The following PDE4DIP variants were observed in gnomAD, a reference collection of about 807,000 sequenced individuals.
The protein encoded by PDE4DIP is phosphodiesterase 4D interacting protein.
PDE4DIP carries 59 observed loss-of-function variants against 221.4 expected under a neutral mutation model. The ratio of observed to expected loss-of-function variants is 0.27; its 90% CI spans 0.22 to 0.33. The LOEUF (loss-of-function observed/expected upper bound fraction) is 0.33. PDE4DIP is among the 10% of genes least tolerant of loss of function. PDE4DIP has a pLI of 1.00. For missense variants in PDE4DIP, 1,036 were observed against 2,154.2 expected (o/e 0.48, Z 10.28); for synonymous variants, 404 against 815.9 (o/e 0.50, Z 8.60).
rs1553497114 is a variant in PDE4DIP at position 148,953,616 on chromosome 1, C to T, written c.637-7038C>T. On this transcript the variant is annotated intron_variant, in intron 5 of 43. Transcript: ENST00000369354. ...TGTGACTGTTGTTCAGATGATCAGG[C>T]TCCGCAGCATGGGTGTAATCACAAG... The T allele has an allele frequency of 3.3e-6, 5 of 1,498,672 alleles. No homozygotes were observed. In the South Asian group the frequency reaches 4.5e-5, roughly 14 times the overall value. The allele number at this position is 1,498,672 out of a possible 1,614,324, so 92.8% of individuals were successfully genotyped here.
intron 37 of PDE4DIP, chr1:149,021,754 A>G (rs1463966213): frequency 6.1e-5 from 9 of 147,808 alleles, no homozygotes; most frequent in Non-Finnish European, 1.3e-4. Flanking sequence ...ATTAAAAGAC[A>G]CAAAAACAAA....
intron 1 of PDE4DIP, among the ~76,000 whole-genome samples, chr1:148,926,712 T>C (rs1398527000): frequency 6.6e-6 from 1 of 151,884 alleles, no homozygotes; most frequent in Non-Finnish European, 1.5e-5. Flanking sequence ...TCCCACATAA[T>C]TGAATGCATA....
At chr1:148,827,830 A>C (rs1260294414) in intron 1 of PDE4DIP, among the ~76,000 whole-genome samples, 4 of 56,478 alleles carry the variant, frequency 7.1e-5, no homozygotes, top group African/African-American at 1.0e-4. Flanking sequence ...ATATGTTGAA[A>C]ATTTTAAATT....
At chr1:148,927,154 G>T (rs1302499527) in intron 1 of PDE4DIP, among the ~76,000 whole-genome samples, 1 of 151,092 alleles carries the variant, frequency 6.6e-6, no homozygotes, top group Non-Finnish European at 1.5e-5. Flanking sequence ...ATTTTTATTT[G>T]CTAAATCTGG....
Position 149,030,281 on chromosome 1 carries a change from A to C in PDE4DIP, c.6999+3A>C. The stretch of plus-strand genomic sequence containing the variant: ...AGAAGGCAAGGACTAACTTAGAGGT[A>C]AGGAAACTACTGCACCAGTCAGAGG... On this transcript the variant is annotated splice_donor_region_variant and intron_variant, in intron 43 of 43. Transcript: ENST00000369354. The C allele has an allele frequency of 6.6e-7, 1 of 1,523,040 alleles. No individual in the cohort carries two copies. Among genetic ancestry groups the C allele is most frequent in the Non-Finnish European group, 8.9e-7 (1 of 1,120,780 alleles). The allele number at this position is 1,523,040 out of a possible 1,614,324, so 94.3% of individuals were successfully genotyped here. A position where few individuals can be genotyped will look rare whatever the true frequency, so the allele number is the denominator to read the frequency against.
Position 148,986,685 on chromosome 1 carries a change from C to T in PDE4DIP, c.2816-5200C>T, listed in dbSNP as rs1453223511. On this transcript the variant is annotated intron_variant, in intron 21 of 43. Transcript: ENST00000369354. ...GTGAGACTAAAGAAACAGTGTTATA[C>T]TTTCCCCGGAAATGTCACATAGGCT... Among the ~76,000 whole-genome samples the T allele has an allele frequency of 2.6e-5, 4 of 152,286 alleles. No individual in the cohort carries two copies. The South Asian group carries it at 8.3e-4, about 32-fold the overall frequency.
At chr1:149,023,828 A>G (rs371685318) in intron 37 of PDE4DIP, among the ~76,000 whole-genome samples, 34 of 139,410 alleles carry the variant, frequency 2.4e-4, no homozygotes, top group African/African-American at 9.6e-4. Flanking sequence ...GTACATGTAT[A>G]TGTGTGCACA....
At chr1:149,021,323 C>T (rs71244884) in intron 37 of PDE4DIP, 170 bp downstream of exon 40, 34,754 of 603,196 alleles carry the variant, frequency 0.058, 948 homozygotes, top group East Asian at 0.37. Flanking sequence ...CAAAGCCCAA[C>T]GGGACAGGTT....
Position 148,919,463 on chromosome 1 carries a change from A to T in PDE4DIP, c.142-9734A>T, listed in dbSNP as rs587687143. ...TTACAAAAGAATTCACTTGGAAACT[A>T]CTAAAATGTATTTCTGGGGATCCTG... On this transcript the variant is annotated intron_variant, in intron 1 of 43. Transcript: ENST00000369354. Among the ~76,000 whole-genome samples, 31 of 151,418 alleles carry T rather than the reference A, an allele frequency of 2.0e-4. No homozygotes were observed. The East Asian group carries it at 5.6e-3, about 27-fold the overall frequency.
intron 1 of PDE4DIP, among the ~76,000 whole-genome samples, chr1:148,922,727 A>G (rs2045722161): frequency 6.7e-6 from 1 of 149,368 alleles, no homozygotes. Flanking sequence ...AGCTGGGACT[A>G]CAGGTGCCCG....
intron 5 of PDE4DIP, among the ~76,000 whole-genome samples, chr1:148,956,127 G>T (rs868933156): frequency 3.9e-5 from 6 of 152,074 alleles, no homozygotes; most frequent in Admixed American, 3.9e-4. Flanking sequence ...AATATGGAAA[G>T]AATAGAAATA....
intron 1 of PDE4DIP, among the ~76,000 whole-genome samples, chr1:148,824,056 G>A (rs201857650): frequency 2.4e-3 from 346 of 146,876 alleles, no homozygotes; most frequent in East Asian, 0.012. Context: ...AAGTCTGTGT[G>A]TTTGTTACTA....
rs781922747 is a variant in PDE4DIP, at chr1:148,978,431, A to G, written c.2574+16A>G. On this transcript the variant is annotated intron_variant, in intron 19 of 43. Coordinates refer to ENST00000369354, the Ensembl canonical transcript of PDE4DIP. ...AAGACAACAGGTAAGTTACTGGAAT[A>G]TAAACCTTATTTATTTATTTACATT... The G allele has an allele frequency of 1.7e-5, 26 of 1,496,760 alleles. No homozygotes were observed. Among genetic ancestry groups the G allele is most frequent in the Non-Finnish European group, 2.0e-5 (22 of 1,102,922 alleles). The allele number at this position is 1,496,760 out of a possible 1,614,324, so 92.7% of individuals were successfully genotyped here.
chr1:149,028,513 G>C, intron 40 of PDE4DIP, 47 bp from the exon 44 acceptor site: 1 of 1,578,904 alleles, frequency 6.3e-7, no homozygotes, highest in Non-Finnish European at 8.6e-7. Flanking sequence ...GCCCATGCAG[G>C]GGGAAGAAAG....
intron 1 of PDE4DIP, among the ~76,000 whole-genome samples, chr1:148,917,397 GTTTT>G (rs1558795228): frequency 2.8e-5 from 4 of 145,088 alleles, no homozygotes; most frequent in Admixed American, 2.1e-4. Flanking sequence ...AATGGATTTT[GTTTT>G]TTATTTTATT....
chr1:149,031,302 A>G (rs1268238833), intron 43 of PDE4DIP: 18 of 157,510 alleles, frequency 1.1e-4, no homozygotes, highest in Admixed American at 1.1e-3. Flanking sequence ...TCCAGTGTGG[A>G]AGCTTTCCCC....
intron 21 of PDE4DIP, chr1:148,985,845 A>G (rs2061823134): frequency 6.6e-6 from 1 of 152,176 alleles, no homozygotes; most frequent in Non-Finnish European, 1.5e-5. Context: ...AATATGGAGA[A>G]TAGGGGTTTT....
At chr1:149,023,934 TAGAG>T (rs1174203387) in intron 37 of PDE4DIP, among the ~76,000 whole-genome samples, 87 of 147,036 alleles carry the variant, frequency 5.9e-4, no homozygotes, top group Non-Finnish European at 8.9e-4. Flanking sequence ...CACATATATA[TAGAG>T]AGAGAGAGAG....
intron 5 of PDE4DIP, chr1:148,952,847 AC>A (rs782277247): frequency 1.4e-6 from 2 of 1,397,534 alleles, no homozygotes; most frequent in South Asian, 1.2e-5. Context: ...GATCTTCCAC[AC>A]GGCGTCCAAG....
Sources: allele counts gnomAD v4.1 joint callset (sites outside exome capture counted in the v4.1 genomes callset), GRCh38; gene constraint gnomAD v4.1.1; transcripts MANE v1.5; gene names NCBI Gene and HGNC (gene_info 2026-07-23, HGNC 2026-07-21).